UBE2W: variants seen among roughly 807,000 people sequenced by gnomAD.
UBE2W encodes the protein ubiquitin conjugating enzyme E2 W.
A neutral mutation model predicts 27.2 loss-of-function variants in UBE2W; 18 were observed. That is an observed-to-expected ratio of 0.66 (90% CI 0.46 to 0.98). The LOEUF (loss-of-function observed/expected upper bound fraction) is 0.98, where lower values mean the gene tolerates loss of function less well. Among genes scored for constraint, UBE2W ranks in the 50% least tolerant of loss-of-function variants. The pLI, the probability that UBE2W is intolerant of heterozygous loss-of-function variation, is 0.00. For synonymous variants in UBE2W, 53 were observed against 57.2 expected (o/e 0.93, Z 0.33); for missense variants, 90 against 180.2 (o/e 0.50, Z 2.87).
chr8:73,820,954 C>T (rs148067548), intron 3 of UBE2W, among the ~76,000 whole-genome samples: 132 of 152,060 alleles, frequency 8.7e-4, no homozygotes, highest in African/African-American at 3.0e-3. Flanking sequence ...CTCCGCACCC[C>T]CACCCCACCA....
chr8:73,805,466 A>AAAAAC lies in UBE2W; in HGVS notation c.442+184_442+185insGTTTT, dbSNP rs1427181345. ...CAAAACTCCATCTCAAAAAAAAAAAAAAAAACAAAAAAAACTAGGGTAATT... is the reference window on the plus strand; with the variant it reads ...CAAAACTCCATCTCAAAAAAAAAAAAAAAACAAAAACAAAAAAAACTAGGGTAATT... On this transcript the variant is annotated intron_variant, in intron 5 of 5. Transcript: ENST00000602593. Among the ~76,000 whole-genome samples, 171 of 124,144 alleles carry AAAAAC rather than the reference A, an allele frequency of 1.4e-3. 11 individuals carry two copies. The highest frequency in any genetic ancestry group is 2.5e-3 in the East Asian group (12 of 4,848). 81.4% of individuals were successfully genotyped at this position (124,144 alleles called of 152,430 possible). A position where few individuals can be genotyped will look rare whatever the true frequency, so the allele number is the denominator to read the frequency against.
At position 73,825,144 on chromosome 8, in the gene UBE2W, T is replaced by C; in HGVS notation, c.210+3A>G. 1 of 1,533,988 alleles carries C rather than the reference T, an allele frequency of 6.5e-7. No homozygotes were observed. Among genetic ancestry groups the C allele is most frequent in the Non-Finnish European group, 8.8e-7 (1 of 1,141,068 alleles). ...AAAAAAAAATTTAAAGCAAGGCAATTACCTGAGGAGAGTCAAAAGGATATC... is the reference window on the plus strand; with the variant it reads ...AAAAAAAAATTTAAAGCAAGGCAATCACCTGAGGAGAGTCAAAAGGATATC... On this transcript the variant is annotated splice_donor_region_variant and intron_variant, in intron 3 of 5. Coordinates refer to ENST00000602593, the MANE Select transcript of UBE2W (RefSeq NM_018299.6).
chr8:73,817,864 T>G (rs74462430), intron 3 of UBE2W, among the ~76,000 whole-genome samples: 80 of 152,306 alleles, frequency 5.3e-4, no homozygotes, highest in Non-Finnish European at 8.5e-4. Flanking sequence ...ATACCTATGA[T>G]AGAAACGTCA....
At position 73,872,066 on chromosome 8, in the gene UBE2W, G is replaced by T. The variant is rs1488414971; in HGVS notation, c.15+6742C>A. Among the ~76,000 whole-genome samples the T allele has an allele frequency of 2.0e-5, 3 of 152,058 alleles. 1 individual carries two copies. The highest frequency in any genetic ancestry group is 4.2e-4 in the South Asian group (2 of 4,808). On this transcript the variant is annotated intron_variant, in intron 1 of 5. Coordinates refer to ENST00000602593, the MANE Select transcript of UBE2W (RefSeq NM_018299.6). ...GTGCTACCACACCCAGCTAATTTTTGTCCCACGCTGGGATCATCCCACCTT... is the reference window on the plus strand; with the variant it reads ...GTGCTACCACACCCAGCTAATTTTTTTCCCACGCTGGGATCATCCCACCTT...
Position 73,829,763 on chromosome 8 carries a change from T to C in UBE2W, c.107+618A>G, listed in dbSNP as rs143631027. Among the ~76,000 whole-genome samples, 614 of 152,310 alleles carry C rather than the reference T, an allele frequency of 4.0e-3. 7 individuals carry two copies. Among genetic ancestry groups the C allele is most frequent in the African/African-American group, 0.014 (588 of 41,580 alleles). On this transcript the variant is annotated intron_variant, in intron 2 of 5. Coordinates refer to ENST00000602593, the MANE Select transcript of UBE2W (RefSeq NM_018299.6). ...CCTGGACCTAGACTACACTAAATAT[T>C]TGAATTGGCTCATTTGTCCTACAAG...
At chr8:73,858,891 T>A (rs1163831664) in intron 1 of UBE2W, among the ~76,000 whole-genome samples, 2 of 150,666 alleles carry the variant, frequency 1.3e-5, no homozygotes, top group African/African-American at 4.9e-5. Flanking sequence ...TGTGTGTGTG[T>A]GTGTGTGTGT....
At chr8:73,782,999 A>T (rs768581843), downstream of UBE2W, among the ~76,000 whole-genome samples, 1 of 151,928 alleles carries the variant, frequency 6.6e-6, no homozygotes, top group Non-Finnish European at 1.5e-5. Context: ...TTTTATTTGT[A>T]TTTTGCTAAG....
chr8:73,843,889 T>C lies in UBE2W; in HGVS notation c.16-13417A>G, dbSNP rs540976382. On this transcript the variant is annotated intron_variant, in intron 1 of 5. Coordinates refer to ENST00000602593, the MANE Select transcript of UBE2W (RefSeq NM_018299.6). ...CTGTGGTCCCATCTACTCGAGAGGC[T>C]GAGGCAAGGAAATTGCTTGAACCCG... 1.8e-4 allele frequency among the ~76,000 whole-genome samples: 27 copies of C among 152,100 alleles called. No homozygotes were observed. In the East Asian group the frequency reaches 5.0e-3, roughly 28 times the overall value.
In UBE2W at chr8:73,855,962, T is replaced by C. The variant is rs192942879; in HGVS notation, c.15+22846A>G. On this transcript the variant is annotated intron_variant, in intron 1 of 5. Coordinates refer to ENST00000602593, the MANE Select transcript of UBE2W (RefSeq NM_018299.6). The stretch of plus-strand genomic sequence containing the variant: ...CATATTGTTCAGCCTAATTCAATCA[T>C]GTATCTGTAATTACTTTTCTATAGT... 2.0e-5 allele frequency among the ~76,000 whole-genome samples: 3 copies of C among 152,340 alleles called. No individual in the cohort carries two copies. In the East Asian group the frequency reaches 5.8e-4, roughly 29 times the overall value.
At chr8:73,838,497 T>G (rs1447080270) in intron 1 of UBE2W, among the ~76,000 whole-genome samples, 1 of 152,074 alleles carries the variant, frequency 6.6e-6, no homozygotes, top group African/African-American at 2.4e-5. Context: ...CCCAGCACTT[T>G]AGGAGGCCAA....
chr8:73,872,134 C>T (rs1027267574), intron 1 of UBE2W, among the ~76,000 whole-genome samples: 7 of 152,160 alleles, frequency 4.6e-5, no homozygotes, highest in African/African-American at 7.2e-5. Context: ...GAAGGCCAGG[C>T]GCGGTGGCCA....
Position 73,821,556 on chromosome 8 carries a change from T to TGTG in UBE2W, c.210+3590_210+3591insCAC, listed in dbSNP as rs1210664777. On this transcript the variant is annotated intron_variant, in intron 3 of 5. Coordinates refer to ENST00000602593, the MANE Select transcript of UBE2W (RefSeq NM_018299.6). The stretch of plus-strand genomic sequence containing the variant: ...GGAGTGGGGTGTGGGAGTGTGTGTG[T>TGTG]GGGGGGGGGGGGATGTGTGTGCATG... Among the ~76,000 whole-genome samples, 65 of 7,722 alleles carry TGTG rather than the reference T, an allele frequency of 8.4e-3. 3 individuals are homozygous for TGTG. Among genetic ancestry groups the TGTG allele is most frequent in the African/African-American group, 0.023 (45 of 1,982 alleles). The allele number at this position is 7,722 out of a possible 152,430, so 5.1% of individuals were successfully genotyped here. A position where few individuals can be genotyped will look rare whatever the true frequency, so the allele number is the denominator to read the frequency against.
chr8:73,833,822 C>T (rs1201371170), intron 1 of UBE2W: 1 of 152,142 alleles, frequency 6.6e-6, no homozygotes, highest in Non-Finnish European at 1.5e-5. Flanking sequence ...CAGGTGCAAT[C>T]CCACTACTGA....
At chr8:73,819,985 CT>C (rs370135879) in intron 3 of UBE2W, among the ~76,000 whole-genome samples, 31 of 152,108 alleles carry the variant, frequency 2.0e-4, no homozygotes, top group African/African-American at 5.8e-4. Context: ...ACTTTTCTTT[CT>C]TTTTTTTATT....
chr8:73,801,978 T>C (rs1290791264), intron 5 of UBE2W, among the ~76,000 whole-genome samples: 7 of 152,192 alleles, frequency 4.6e-5, no homozygotes, highest in African/African-American at 1.4e-4. Flanking sequence ...GTGTGTGTAG[T>C]AGAATTAATT....
In UBE2W at chr8:73,787,489, A is replaced by G; in HGVS notation, c.*6613T>C. 1.0e-6 allele frequency: 1 copy of G among 985,466 alleles called. No individual in the cohort carries two copies. The highest frequency in any genetic ancestry group is 1.2e-6 in the Non-Finnish European group (1 of 829,936). The allele number at this position is 985,466 out of a possible 1,614,324, so 61.0% of individuals were successfully genotyped here. A position where few individuals can be genotyped will look rare whatever the true frequency, so the allele number is the denominator to read the frequency against. ...CATATATTTATCTAACCATCTACTA[A>G]CATAGTTGTGTAGGACGGCAGGAAC... On this transcript the variant is annotated 3_prime_UTR_variant, in exon 6 of 6. Transcript: ENST00000602593.
chr8:73,850,722 CATTA>C lies in UBE2W; in HGVS notation c.16-20254_16-20251del, dbSNP rs1475256404. 1.6e-4 allele frequency among the ~76,000 whole-genome samples: 9 copies of C among 57,170 alleles called. No individual in the cohort carries two copies. The East Asian group carries it at 4.7e-3, about 30-fold the overall frequency. 37.5% of individuals were successfully genotyped at this position (57,170 alleles called of 152,430 possible). A position where few individuals can be genotyped will look rare whatever the true frequency, so the allele number is the denominator to read the frequency against. On this transcript the variant is annotated intron_variant, in intron 1 of 5. Coordinates refer to ENST00000602593, the MANE Select transcript of UBE2W (RefSeq NM_018299.6). ...AAATAGTGAGGTACAATCAGCAGGACATTAAAAAAAAAAAAAAAAAAAAAAAAAC... is the reference window on the plus strand; with the variant it reads ...AAATAGTGAGGTACAATCAGCAGGACAAAAAAAAAAAAAAAAAAAAAAAAC...
rs568184469 is a variant in UBE2W at position 73,787,281 on chromosome 8, T to C, written c.*6821A>G. 1.7e-5 allele frequency: 17 copies of C among 985,490 alleles called. No homozygotes were observed. The highest frequency in any genetic ancestry group is 5.2e-5 in the African/African-American group (3 of 57,384). 61.0% of individuals were successfully genotyped at this position (985,490 alleles called of 1,614,324 possible). On this transcript the variant is annotated 3_prime_UTR_variant, in exon 6 of 6. Coordinates refer to ENST00000602593, the MANE Select transcript of UBE2W (RefSeq NM_018299.6). The stretch of plus-strand genomic sequence containing the variant: ...TCACTTGCTTCTTCAATTTAGCTTA[T>C]GTTTAATTTTGTTACGTGTTATGTT...
chr8:73,824,729 A>AG (rs1185777572), intron 3 of UBE2W, among the ~76,000 whole-genome samples: 5 of 152,218 alleles, frequency 3.3e-5, no homozygotes, highest in African/African-American at 1.2e-4. Flanking sequence ...GTTCACAATA[A>AG]GGCTCGTACT....
Sources: gnomAD v4.1 joint callset for allele counts (sites outside exome capture counted in the v4.1 genomes callset) on GRCh38, gnomAD v4.1.1 for gene constraint, MANE v1.5 for transcripts, NCBI Gene and HGNC (gene_info 2026-07-23, HGNC 2026-07-21) for gene names.